The following SUZ12 variants were observed in gnomAD, a reference collection of about 807,000 sequenced individuals.
SUZ12 encodes SUZ12 polycomb repressive complex 2 subunit, also known as polycomb protein SUZ12.
In SUZ12, 17 loss-of-function variants were observed where a neutral mutation model predicts 87.3. The observed-to-expected ratio is 0.19, with a 90% CI of 0.13 to 0.29. The LOEUF (loss-of-function observed/expected upper bound fraction) is 0.29. SUZ12 is among the 10% of genes least tolerant of loss of function. The pLI is 1.00. For missense variants in SUZ12, 526 were observed against 912.2 expected, an observed-to-expected ratio of 0.58 and a Z score of 5.45; for synonymous variants, 253 against 312.4, an observed-to-expected ratio of 0.81 and a Z score of 2.01.
At chr17:31,995,518 G>T (rs1384517249) in intron 13 of SUZ12, 46 bp from the exon 14 acceptor site, 2 of 1,497,502 alleles carry the variant, frequency 1.3e-6, no homozygotes, top group African/African-American at 1.4e-5. Flanking sequence ...AGGTTAGATG[G>T]TATACATGTA....
intron 4 of SUZ12, among the ~76,000 whole-genome samples, chr17:31,949,564 C>T (rs1906822738): frequency 7.1e-6 from 1 of 141,308 alleles, no homozygotes; most frequent in South Asian, 2.3e-4. Flanking sequence ...GTGGTGCTAT[C>T]TCAGCTCACT....
chr17:31,988,874 T>C (rs1241858106), intron 10 of SUZ12, among the ~76,000 whole-genome samples: 1 of 151,660 alleles, frequency 6.6e-6, no homozygotes, highest in Non-Finnish European at 1.5e-5. Context: ...ATGGAGATCA[T>C]CCTGGCTAAC....
At chr17:31,958,835 ACT>A (rs376439829) in intron 4 of SUZ12, among the ~76,000 whole-genome samples, 35 of 150,778 alleles carry the variant, frequency 2.3e-4, no homozygotes, top group African/African-American at 3.2e-4. Context: ...ACAGAGTGAA[ACT>A]CTGTCTCAAA....
chr17:31,941,894 C>A (rs563853753), intron 3 of SUZ12, among the ~76,000 whole-genome samples: 15 of 151,484 alleles, frequency 9.9e-5, no homozygotes, highest in African/African-American at 3.4e-4. Flanking sequence ...CTCTTGTCTC[C>A]CAGGCTGGAG....
intron 5 of SUZ12, among the ~76,000 whole-genome samples, chr17:31,972,390 T>C (rs549169467): frequency 6.9e-6 from 1 of 144,320 alleles, no homozygotes; most frequent in Non-Finnish European, 1.5e-5. Context: ...TGTGTATATA[T>C]ATATATATAT....
intron 8 of SUZ12, among the ~76,000 whole-genome samples, chr17:31,981,043 A>G (rs1015318629): frequency 2.0e-5 from 3 of 152,066 alleles, no homozygotes; most frequent in Non-Finnish European, 4.4e-5. Flanking sequence ...AAAACCAAAA[A>G]ATCCAGTTAA....
Position 31,948,755 on chromosome 17 carries a change from C to T in SUZ12, c.455+1070C>T, listed in dbSNP as rs568025936. ...ATTTATATTTCCATGTCTAGGCAAT[C>T]CTGACTTGTAAATAAACTGTGATAG... On this transcript the variant is annotated intron_variant, in intron 4 of 15. Coordinates refer to ENST00000322652, the MANE Select transcript of SUZ12 (RefSeq NM_015355.4). Among the ~76,000 whole-genome samples the T allele has an allele frequency of 4.6e-5, 7 of 152,228 alleles. No homozygotes were observed. In the South Asian group the frequency reaches 1.5e-3, roughly 32 times the overall value.
chr17:31,980,190 A>G (rs1909014612), intron 8 of SUZ12, among the ~76,000 whole-genome samples: 1 of 151,928 alleles, frequency 6.6e-6, no homozygotes, highest in Admixed American at 6.6e-5. Context: ...TTAAAGTTAC[A>G]TGTAAATTTA....
Position 31,990,225 on chromosome 17 carries a change from G to A in SUZ12, c.1201+1728G>A, listed in dbSNP as rs951557117. Reference sequence around the variant, plus strand: ...CCTGACCTCATGGTCTGCCTGCCTCGGCCTCCCAAAGTGCTGAGATTACAG... The same window carrying A: ...CCTGACCTCATGGTCTGCCTGCCTCAGCCTCCCAAAGTGCTGAGATTACAG... On this transcript the variant is annotated intron_variant, in intron 10 of 15. Transcript: ENST00000322652. Among the ~76,000 whole-genome samples the A allele has an allele frequency of 3.2e-4, 47 of 148,348 alleles. 2 individuals carry two copies. Among genetic ancestry groups the A allele is most frequent in the East Asian group, 2.0e-4 (1 of 5,046 alleles).
At chr17:31,971,382 AT>A (rs1908419963) in intron 5 of SUZ12, among the ~76,000 whole-genome samples, 1 of 150,520 alleles carries the variant, frequency 6.6e-6, no homozygotes, top group African/African-American at 2.4e-5. Flanking sequence ...GAAGAAAAAA[AT>A]TGAAGATGCT....
intron 6 of SUZ12, 123 bp downstream of exon 6, chr17:31,973,354 G>A (rs972931108): frequency 1.3e-6 from 1 of 769,852 alleles, no homozygotes; most frequent in Non-Finnish European, 2.0e-6. Context: ...GAAATGTGTT[G>A]ATGGCCTAAT....
chr17:31,954,897 C>T (rs1352338004), intron 4 of SUZ12, among the ~76,000 whole-genome samples: 1 of 152,146 alleles, frequency 6.6e-6, no homozygotes, highest in Non-Finnish European at 1.5e-5. Context: ...TGAGAAGAAG[C>T]TGGAGCAGAT....
intron 13 of SUZ12, 123 bp from the exon 14 acceptor site, chr17:31,995,441 T>G: frequency 2.8e-6 from 2 of 713,416 alleles, no homozygotes; most frequent in Non-Finnish European, 4.7e-6. Flanking sequence ...CTAATACTAT[T>G]GTTTTATGGT....
chr17:31,962,407 A>C (rs1032012128), intron 4 of SUZ12, among the ~76,000 whole-genome samples: 1 of 152,204 alleles, frequency 6.6e-6, no homozygotes, highest in Non-Finnish European at 1.5e-5. Flanking sequence ...CCTGGGTAAC[A>C]TGGCAAAATC....
chr17:31,956,653 C>A (rs1907357242), intron 4 of SUZ12, among the ~76,000 whole-genome samples: 1 of 152,100 alleles, frequency 6.6e-6, no homozygotes, highest in African/African-American at 2.4e-5. Context: ...CCTCCCTACC[C>A]ACCTCTGCTA....
chr17:31,959,970 C>A (rs1907596562), intron 4 of SUZ12, among the ~76,000 whole-genome samples: 1 of 152,248 alleles, frequency 6.6e-6, no homozygotes, highest in Admixed American at 6.5e-5. Context: ...AACTAAGTTT[C>A]TTATATCTTA....
At chr17:31,963,589 C>T (rs1220480945) in intron 4 of SUZ12, among the ~76,000 whole-genome samples, 1 of 151,950 alleles carries the variant, frequency 6.6e-6, no homozygotes, top group African/African-American at 2.4e-5. Flanking sequence ...CTCCGCCCTC[C>T]GAGTTCAAGT....
At chr17:31,996,429 A>G (rs547681533) in intron 14 of SUZ12, among the ~76,000 whole-genome samples, 4 of 152,334 alleles carry the variant, frequency 2.6e-5, no homozygotes, top group Non-Finnish European at 5.9e-5. Flanking sequence ...AGCCTGGCCA[A>G]CATGGCAAAA....
intron 13 of SUZ12, 73 bp from the exon 14 acceptor site, chr17:31,995,491 C>A: frequency 8.0e-7 from 1 of 1,244,014 alleles, no homozygotes; most frequent in Non-Finnish European, 1.2e-6. Flanking sequence ...TATCACAGAT[C>A]TCAACTCCTA....
Sources: gnomAD v4.1 joint callset for allele counts (sites outside exome capture counted in the v4.1 genomes callset) on GRCh38, gnomAD v4.1.1 for gene constraint, MANE v1.5 for transcripts, NCBI Gene and HGNC (gene_info 2026-07-23, HGNC 2026-07-21) for gene names.